DHCR7: variants seen among roughly 807,000 people sequenced by gnomAD.
The protein encoded by DHCR7 is 7-DHC reductase.
A neutral mutation model predicts 43.3 loss-of-function variants in DHCR7; 40 were observed. That is an observed-to-expected ratio of 0.92 (90% CI 0.72 to 1.20). The LOEUF is 1.20. Among genes scored for constraint, DHCR7 ranks in the 50% most tolerant of loss-of-function variants. DHCR7 has a pLI of 0.00. For synonymous variants in DHCR7, 298 were observed against 271.4 expected, an observed-to-expected ratio of 1.10 and a Z score of -0.96; for missense variants, 608 against 644.6, an observed-to-expected ratio of 0.94 and a Z score of 0.62.
intron 7 of DHCR7, among the ~76,000 whole-genome samples, chr11:71,438,206 A>G (rs1401048472): frequency 6.6e-6 from 1 of 152,120 alleles, no homozygotes; most frequent in Non-Finnish European, 1.5e-5. Flanking sequence ...AGGGCTTGCA[A>G]TGGCGCGTGC....
intron 7 of DHCR7, among the ~76,000 whole-genome samples, chr11:71,438,171 G>T (rs1423047154): frequency 6.6e-6 from 1 of 152,122 alleles, no homozygotes; most frequent in African/African-American, 2.4e-5. Flanking sequence ...CCATGGCCCT[G>T]GCATCTCTCC....
intron 3 of DHCR7, 108 bp from the exon 4 acceptor site, chr11:71,444,323 C>A: frequency 6.6e-6 from 6 of 912,920 alleles, no homozygotes; most frequent in Non-Finnish European, 1.1e-5. Flanking sequence ...CCACCAGTAC[C>A]CCATGACAGA....
Position 71,435,764 on chromosome 11 carries a change from C to T in DHCR7, c.1039G>A (p.Gly347Ser), listed in dbSNP as rs2135940013. Residue 347 changes from glycine to serine, a missense_variant, in exon 9 of 9, where the codon GGC (glycine) becomes AGC (serine). By Grantham distance (56) the Gly-to-Ser change is moderately conservative. Coordinates refer to ENST00000355527, the MANE Select transcript of DHCR7 (RefSeq NM_001360.3). ...AVGVLLLGLVGYYIFRVANHQ... is the reference protein window; with the variant it reads ...AVGVLLLGLVSYYIFRVANHQ... Reference sequence around the variant, plus strand: ...TTGGCCACCCGGAAGATGTAGTAGCCCACCAGGCCCAGCAGCAGGACGCCC... The same window carrying T: ...TTGGCCACCCGGAAGATGTAGTAGCTCACCAGGCCCAGCAGCAGGACGCCC... 3.1e-6 allele frequency: 5 copies of T among 1,610,022 alleles called. No individual in the cohort carries two copies. The highest frequency in any genetic ancestry group is 4.2e-6 in the Non-Finnish European group (5 of 1,177,424).
exon 3 of DHCR7, chr11:71,428,531 T>C (rs576314127): frequency 5.7e-6 from 1 of 176,666 alleles, no homozygotes; most frequent in Non-Finnish European, 1.2e-5. Context: ...TCACGGTTTT[T>C]TTGCACAGGA....
chr11:71,439,239 CG>C (rs1949324352), intron 6 of DHCR7, among the ~76,000 whole-genome samples, 156 bp from the exon 7 acceptor site: 1 of 152,232 alleles, frequency 6.6e-6, no homozygotes, highest in Non-Finnish European at 1.5e-5. Flanking sequence ...GGGACCCCCA[CG>C]GCTGGAATGC....
At chr11:71,428,857 A>C in intron 2 of DHCR7, 1 of 456,318 alleles carries the variant, frequency 2.2e-6, no homozygotes, top group Non-Finnish European at 4.4e-6. Context: ...TCTCATCTGC[A>C]AGGCAAGTCA....
intron 2 of DHCR7, among the ~76,000 whole-genome samples, chr11:71,446,671 A>C (rs1291563161): frequency 6.6e-6 from 1 of 152,278 alleles, no homozygotes; most frequent in East Asian, 1.9e-4. Context: ...ACATTTAAAA[A>C]ATTTCAACGA....
At chr11:71,436,662 C>T (rs1249135597) in intron 8 of DHCR7, among the ~76,000 whole-genome samples, 2 of 144,004 alleles carry the variant, frequency 1.4e-5, no homozygotes, top group African/African-American at 5.1e-5. Context: ...GACTCCGTCT[C>T]AAAAAAAAAA....
intron 8 of DHCR7, 96 bp from the exon 9 acceptor site, chr11:71,435,935 G>A (rs542781733): frequency 1.0e-6 from 1 of 1,003,814 alleles, no homozygotes; most frequent in African/African-American, 1.6e-5. Flanking sequence ...TCAAACCCCA[G>A]CTCTGCCTCT....
downstream of DHCR7, among the ~76,000 whole-genome samples, chr11:71,430,591 C>A (rs1435943793): frequency 6.6e-6 from 1 of 152,190 alleles, no homozygotes; most frequent in Non-Finnish European, 1.5e-5. Context: ...AGTGTGACAG[C>A]CTTTCTGGGT....
chr11:71,434,023 C>T (rs116634694), downstream of DHCR7, among the ~76,000 whole-genome samples: 833 of 152,384 alleles, frequency 5.5e-3, 9 homozygotes, highest in African/African-American at 0.019. Flanking sequence ...CCACTCTGAG[C>T]TTGGCCCCCT....
At chr11:71,439,120 A>G (rs373780602) in intron 6 of DHCR7, 37 bp from the exon 7 acceptor site, 98 of 1,583,350 alleles carry the variant, frequency 6.2e-5, no homozygotes, top group Middle Eastern at 5.0e-4. Flanking sequence ...TTAGTGGATG[A>G]GCATATCTCA....
At chr11:71,445,272 A>C in intron 2 of DHCR7, among the ~76,000 whole-genome samples, 1 of 150,048 alleles carries the variant, frequency 6.7e-6, no homozygotes, top group East Asian at 2.0e-4. Context: ...CCTACACACC[A>C]CTCTCCCCTA....
intron 3 of DHCR7, 27 bp from the exon 4 acceptor site, chr11:71,444,242 A>C: frequency 1.3e-6 from 2 of 1,548,052 alleles, no homozygotes; most frequent in Non-Finnish European, 1.8e-6. Flanking sequence ...AGGCAGTCAC[A>C]CTGGGGCCCA....
chr11:71,446,864 C>A (rs921295351), intron 2 of DHCR7, among the ~76,000 whole-genome samples: 6 of 152,206 alleles, frequency 3.9e-5, no homozygotes, highest in Non-Finnish European at 7.3e-5. Flanking sequence ...GCCAGTCACT[C>A]TCCTTATATC....
chr11:71,437,756 A>G (rs1488039662), intron 8 of DHCR7, 56 bp downstream of exon 8: 1 of 1,611,208 alleles, frequency 6.2e-7, no homozygotes, highest in Non-Finnish European at 8.5e-7. Context: ...GCAAGGAGAA[A>G]GCTTAGCATG....
intron 4 of DHCR7, among the ~76,000 whole-genome samples, chr11:71,443,015 C>G (rs2135946173): frequency 6.6e-6 from 1 of 152,322 alleles, no homozygotes. Flanking sequence ...TGTGGATTTG[C>G]CTGTACTGGG....
chr11:71,431,199 G>C (rs144893215), downstream of DHCR7, among the ~76,000 whole-genome samples: 101 of 152,278 alleles, frequency 6.6e-4, 1 homozygote, highest in African/African-American at 2.4e-3. Flanking sequence ...CCACTCAAAG[G>C]TGGACACAAC....
At chr11:71,446,910 G>A (rs1949410810) in intron 2 of DHCR7, among the ~76,000 whole-genome samples, 1 of 152,236 alleles carries the variant, frequency 6.6e-6, no homozygotes, top group African/African-American at 2.4e-5. Flanking sequence ...AACTACTTCT[G>A]AGAAAAGCTG....
Sources: allele counts gnomAD v4.1 joint callset (sites outside exome capture counted in the v4.1 genomes callset), GRCh38; gene constraint gnomAD v4.1.1; transcripts MANE v1.5; gene names NCBI Gene and HGNC (gene_info 2026-07-23, HGNC 2026-07-21).